The following ETV6 variants were observed in gnomAD, a reference collection of about 807,000 sequenced individuals.
The protein encoded by ETV6 is transcription factor ETV6.
In ETV6, 16 loss-of-function variants were observed where a neutral mutation model predicts 51.1. The observed-to-expected ratio is 0.31, with a 90% CI of 0.21 to 0.48. The LOEUF (loss-of-function observed/expected upper bound fraction) is 0.48. Ranked by LOEUF, ETV6 falls within the 20% of genes least tolerant of loss-of-function variation. The pLI is 0.99. For missense variants in ETV6, 458 were observed against 594.8 expected (o/e 0.77, Z 2.39); for synonymous variants, 240 against 224.1 (o/e 1.07, Z -0.64).
At chr12:11,735,824 T>C (rs1190890988) in intron 1 of ETV6, among the ~76,000 whole-genome samples, 1 of 152,228 alleles carries the variant, frequency 6.6e-6, no homozygotes, top group Admixed American at 6.5e-5. Flanking sequence ...GGTCTCGAAC[T>C]CCTGACCTCA....
At chr12:11,760,908 G>GTA (rs71057768) in intron 2 of ETV6, among the ~76,000 whole-genome samples, 1 of 150,220 alleles carries the variant, frequency 6.7e-6, no homozygotes, top group African/African-American at 2.5e-5. Context: ...GTGTGTGTGT[G>GTA]TATATAAAAG....
chr12:11,661,717 A>G (rs1418254829), intron 1 of ETV6, among the ~76,000 whole-genome samples: 1 of 152,350 alleles, frequency 6.6e-6, no homozygotes, highest in East Asian at 1.9e-4. Flanking sequence ...GGAAGGAGAG[A>G]GCATACCTGT....
chr12:11,695,060 C>T lies in ETV6; in HGVS notation c.33+44900C>T, dbSNP rs376685222. Among the ~76,000 whole-genome samples, 16 of 152,266 alleles carry T rather than the reference C, an allele frequency of 1.1e-4. No homozygotes were observed. The East Asian group carries it at 1.5e-3, about 15-fold the overall frequency. On this transcript the variant is annotated intron_variant, in intron 1 of 7. Transcript: ENST00000396373. ...AAAGGATACCGAAGACAGGCCCATG[C>T]GAAACATTTAATTTCTGGCATTTTC...
chr12:11,686,972 G>A lies in ETV6; in HGVS notation c.33+36812G>A, dbSNP rs528934149. ...AAAATCTCAGCTTACTGCAATCTCC[G>A]CCTTCCAGGTTCAAGTGATTCTCCT... On this transcript the variant is annotated intron_variant, in intron 1 of 7. Coordinates refer to ENST00000396373, the MANE Select transcript of ETV6 (RefSeq NM_001987.5). Among the ~76,000 whole-genome samples the A allele has an allele frequency of 2.2e-3, 341 of 152,028 alleles. 2 individuals carry two copies. Among genetic ancestry groups the A allele is most frequent in the African/African-American group, 7.9e-3 (328 of 41,460 alleles).
intron 1 of ETV6, among the ~76,000 whole-genome samples, chr12:11,671,817 T>C (rs2120699525): frequency 6.6e-6 from 1 of 152,284 alleles, no homozygotes; most frequent in Non-Finnish European, 1.5e-5. Context: ...AGTTTTATTT[T>C]AGGCTGTATT....
chr12:11,743,796 T>C (rs751476345), intron 1 of ETV6, among the ~76,000 whole-genome samples: 1 of 152,212 alleles, frequency 6.6e-6, no homozygotes, highest in Non-Finnish European at 1.5e-5. Context: ...GCCGTCGCTT[T>C]TCTTTCTCTT....
intron 1 of ETV6, among the ~76,000 whole-genome samples, chr12:11,674,615 TTGTGTGTGTGTGTGTG>T (rs5796457): frequency 6.2e-4 from 83 of 133,238 alleles, no homozygotes; most frequent in African/African-American, 1.6e-3. Context: ...TAGGGGTTAT[TTGTGTGTGTGTGTGTG>T]TGTGTGTGTG....
intron 2 of ETV6, among the ~76,000 whole-genome samples, chr12:11,789,309 G>A (rs1945543879): frequency 2.0e-5 from 3 of 152,186 alleles, no homozygotes; most frequent in African/African-American, 7.2e-5. Context: ...TGGGATTACA[G>A]GGGTGAGCCA....
At chr12:11,836,582 G>A (rs747448783) in intron 2 of ETV6, among the ~76,000 whole-genome samples, 4 of 152,134 alleles carry the variant, frequency 2.6e-5, no homozygotes, top group South Asian at 2.1e-4. Flanking sequence ...GTGCTTAACC[G>A]GCAGAGCTGT....
intron 5 of ETV6, among the ~76,000 whole-genome samples, chr12:11,882,473 T>C (rs1052896173): frequency 5.3e-5 from 8 of 152,164 alleles, no homozygotes; most frequent in African/African-American, 1.9e-4. Flanking sequence ...CCTGAGTAAA[T>C]CATCAAACCC....
At chr12:11,776,816 T>C (rs1945332458) in intron 2 of ETV6, among the ~76,000 whole-genome samples, 1 of 152,218 alleles carries the variant, frequency 6.6e-6, no homozygotes, top group African/African-American at 2.4e-5. Context: ...AACCCATCCC[T>C]AGGGAACACT....
chr12:11,807,760 G>A (rs1304568025), intron 2 of ETV6, among the ~76,000 whole-genome samples: 1 of 152,146 alleles, frequency 6.6e-6, no homozygotes, highest in African/African-American at 2.4e-5. Context: ...GTCTAGAGGT[G>A]TCTGTTACTA....
rs34166149 is a variant in ETV6, at chr12:11,891,459, T to TTA, written c.*423_*424dup. ...GTTTTCCTATGGAAATATATATCTA[T>TTA]TATATATATATTTTTTGCAAATCTC... On this transcript the variant is annotated 3_prime_UTR_variant, in exon 8 of 8. Coordinates refer to ENST00000396373, the MANE Select transcript of ETV6 (RefSeq NM_001987.5). 118,412 of 444,620 alleles carry TTA rather than the reference T, an allele frequency of 0.27. 16,444 individuals carry two copies. The highest frequency in any genetic ancestry group is 0.39 in the East Asian group (8,895 of 22,660). 27.5% of individuals were successfully genotyped at this position (444,620 alleles called of 1,614,324 possible). A position where few individuals can be genotyped will look rare whatever the true frequency, so the allele number is the denominator to read the frequency against.
At chr12:11,850,546 T>TGTGGTGGTGGTG (rs200242282) in intron 3 of ETV6, among the ~76,000 whole-genome samples, 1 of 150,318 alleles carries the variant, frequency 6.7e-6, no homozygotes, top group African/African-American at 2.4e-5. Flanking sequence ...TGGGAGTGTT[T>TGTGGTGGTGGTG]GTGGTGGTGG....
At chr12:11,841,469 A>G (rs958817729) in intron 3 of ETV6, among the ~76,000 whole-genome samples, 6 of 152,212 alleles carry the variant, frequency 3.9e-5, no homozygotes, top group Admixed American at 1.3e-4. Context: ...AGCATCACCA[A>G]GTATATTTGG....
intron 1 of ETV6, among the ~76,000 whole-genome samples, chr12:11,688,933 G>A (rs1370198723): frequency 1.3e-5 from 2 of 152,170 alleles, no homozygotes; most frequent in Non-Finnish European, 2.9e-5. Context: ...GTAAGTGGTG[G>A]TAGCTCAAAG....
At chr12:11,713,362 G>C (rs1158446405) in intron 1 of ETV6, among the ~76,000 whole-genome samples, 3 of 152,174 alleles carry the variant, frequency 2.0e-5, no homozygotes, top group African/African-American at 4.8e-5. Flanking sequence ...CAGCCTTTGT[G>C]TGTCTAGACT....
intron 1 of ETV6, among the ~76,000 whole-genome samples, chr12:11,722,623 TCAGAAAAGCCA>T (rs1414834945): frequency 6.6e-6 from 1 of 152,146 alleles, no homozygotes; most frequent in East Asian, 1.9e-4. Context: ...AAGAGTAAAG[TCAGAAAAGCCA>T]AACTGATTTC....
chr12:11,817,750 G>A (rs1307056162), intron 2 of ETV6, among the ~76,000 whole-genome samples: 2 of 152,118 alleles, frequency 1.3e-5, no homozygotes, highest in Non-Finnish European at 2.9e-5. Flanking sequence ...TGGGTTCTGT[G>A]GGGAGTACAA....
Sources: gnomAD v4.1 joint callset for allele counts (sites outside exome capture counted in the v4.1 genomes callset) on GRCh38, gnomAD v4.1.1 for gene constraint, MANE v1.5 for transcripts, NCBI Gene and HGNC (gene_info 2026-07-23, HGNC 2026-07-21) for gene names.